CHMP3: variants seen among roughly 807,000 people sequenced by gnomAD.
CHMP3 encodes charged multivesicular body protein 3, also known as 25.1 protein.
CHMP3 carries 8 observed loss-of-function variants against 27.4 expected under a neutral mutation model. That is an observed-to-expected ratio of 0.29 (90% confidence interval 0.17 to 0.53). CHMP3 has a LOEUF of 0.53. CHMP3 is among the 20% of genes least tolerant of loss of function. The pLI is 0.96. For missense variants in CHMP3, 208 were observed against 271.5 expected (o/e 0.77, Z 1.64); for synonymous variants, 86 against 85.5 (o/e 1.01, Z -0.03).
chr2:86,542,140 C>A, intron 2 of CHMP3, 112 bp downstream of exon 2: 2 of 1,107,232 alleles, frequency 1.8e-6, no homozygotes, highest in East Asian at 2.6e-5. Flanking sequence ...CTATAAATAA[C>A]TGATATAGGA....
At position 86,510,479 on chromosome 2, in the gene CHMP3, GC is replaced by G. The variant is rs1558643707; in HGVS notation, c.287-1del. 1 of 1,611,778 alleles carries G rather than the reference GC, an allele frequency of 6.2e-7. No homozygotes were observed. Among genetic ancestry groups the G allele is most frequent in the East Asian group, 2.2e-5 (1 of 44,874 alleles). ...CAGGGAACCAGCCACTCGCAAGACCGCTGAAAGAGAATGTGTACAGTCAGGA... is the reference window on the plus strand; with the variant it reads ...CAGGGAACCAGCCACTCGCAAGACCGTGAAAGAGAATGTGTACAGTCAGGA... On this transcript the variant is annotated splice_acceptor_variant, in intron 3 of 5. Transcript: ENST00000263856. LOFTEE classifies it high-confidence loss of function.
chr2:86,559,780 C>G (rs1175598688), intron 1 of CHMP3, among the ~76,000 whole-genome samples: 2 of 152,162 alleles, frequency 1.3e-5, no homozygotes, highest in Admixed American at 6.5e-5. Flanking sequence ...AAAAATCCTA[C>G]TAAATAGTCA....
chr2:86,510,286 C>CAA, intron 4 of CHMP3, 72 bp downstream of exon 4: 5 of 782,922 alleles, frequency 6.4e-6, no homozygotes, highest in Non-Finnish European at 8.2e-6. Context: ...CCACCCTCAT[C>CAA]CCTAGCCCCC....
rs1305929078 is a variant in CHMP3, at chr2:86,507,541, T to C, written c.461A>G (p.Gln154Arg). The C allele has an allele frequency of 6.2e-7, 1 of 1,614,210 alleles. No individual in the cohort carries two copies. Among genetic ancestry groups the C allele is most frequent in the Admixed American group, 1.7e-5 (1 of 60,032 alleles). Residue 154 changes from glutamine to arginine, a missense_variant, in exon 5 of 6, where the codon CAG (glutamine) becomes CGG (arginine). By Grantham distance (43) the Gln-to-Arg change is conservative. Coordinates refer to ENST00000263856, the MANE Select transcript of CHMP3 (RefSeq NM_016079.4). ...TTCTGCTTCTTCCTCCATTTCTTCC[T>C]GATCGTCCATGCTTTCAAAAGTGTC... is the stretch of plus-strand genomic sequence containing the variant. ...LEDTFESMDD[Q>R]EEMEEEAEME... is the part of the protein sequence containing the mutation.
At chr2:86,550,752 G>T (rs1019390730) in intron 1 of CHMP3, among the ~76,000 whole-genome samples, 3 of 152,030 alleles carry the variant, frequency 2.0e-5, no homozygotes, top group Non-Finnish European at 4.4e-5. Flanking sequence ...AAAAACAAAT[G>T]GTTGGCTGCA....
At position 86,561,084 on chromosome 2, in the gene CHMP3, C is replaced by A. The variant is rs182020710; in HGVS notation, c.45+2220G>T. Among the ~76,000 whole-genome samples, 24 of 152,310 alleles carry A rather than the reference C, an allele frequency of 1.6e-4. 1 individual carries two copies. The Middle Eastern group carries it at 0.014, about 86-fold the overall frequency. ...AACCATATCAGGTGCCCTATCCAAA[C>A]CAGCTCTTAAAATGTTTATCTTACT... On this transcript the variant is annotated intron_variant, in intron 1 of 5. Transcript: ENST00000263856.
chr2:86,534,148 T>C (rs924361656), intron 2 of CHMP3, among the ~76,000 whole-genome samples: 1 of 152,008 alleles, frequency 6.6e-6, no homozygotes, highest in Non-Finnish European at 1.5e-5. Context: ...GTGTAGTTTG[T>C]TGTTGGGTAG....
Position 86,560,761 on chromosome 2 carries a change from G to A in CHMP3, c.45+2543C>T, listed in dbSNP as rs142970907. On this transcript the variant is annotated intron_variant, in intron 1 of 5. Transcript: ENST00000263856. The stretch of plus-strand genomic sequence containing the variant: ...TGGCTCACAGTTCTGCAGACTGTAC[G>A]GGAAGCACAGCAGCTTCTGCTTTTG... Among the ~76,000 whole-genome samples the A allele has an allele frequency of 2.0e-3, 310 of 152,016 alleles. 2 individuals carry two copies. The highest frequency in any genetic ancestry group is 0.01 in the Middle Eastern group (3 of 292).
chr2:86,505,453 A>G lies in CHMP3; in HGVS notation c.*351T>C, dbSNP rs3731812. The G allele has an allele frequency of 0.4, 67,231 of 168,730 alleles. 15,453 individuals carry two copies. The highest frequency in any genetic ancestry group is 0.74 in the East Asian group (4,526 of 6,120). 10.5% of individuals were successfully genotyped at this position (168,730 alleles called of 1,614,324 possible). A position where few individuals can be genotyped will look rare whatever the true frequency, so the allele number is the denominator to read the frequency against. On this transcript the variant is annotated 3_prime_UTR_variant, in exon 6 of 6. Transcript: ENST00000263856. ...GCAATCTACAATGGGGCCAAGTGCT[A>G]AAGCAAAAATTTATTAAAATTCATT...
At chr2:86,523,635 A>G (rs1675598581) in intron 3 of CHMP3, among the ~76,000 whole-genome samples, 1 of 152,124 alleles carries the variant, frequency 6.6e-6, no homozygotes, top group African/African-American at 2.4e-5. Context: ...GCAGGTACTC[A>G]GAAAGCGTAT....
At chr2:86,551,840 C>T (rs565581324) in intron 1 of CHMP3, among the ~76,000 whole-genome samples, 1 of 152,300 alleles carries the variant, frequency 6.6e-6, no homozygotes, top group South Asian at 2.1e-4. Flanking sequence ...AGTCTATAAA[C>T]ACCTTCATGA....
In CHMP3 at chr2:86,544,330, T is replaced by A. The variant is rs193041437; in HGVS notation, c.46-2018A>T. Among the ~76,000 whole-genome samples, 276 of 151,890 alleles carry A rather than the reference T, an allele frequency of 1.8e-3. 4 individuals carry two copies. The highest frequency in any genetic ancestry group is 9.1e-3 in the East Asian group (47 of 5,164). On this transcript the variant is annotated intron_variant, in intron 1 of 5. Transcript: ENST00000263856. Reference sequence around the variant, plus strand: ...GTGAAGTGGTATCTCACTGTTTTGATTTACATTTTCTTTTTTTTTTTTTTT... The same window carrying A: ...GTGAAGTGGTATCTCACTGTTTTGAATTACATTTTCTTTTTTTTTTTTTTT...
intron 3 of CHMP3, among the ~76,000 whole-genome samples, chr2:86,516,579 T>G (rs1675315618): frequency 6.6e-6 from 1 of 152,212 alleles, no homozygotes; most frequent in Admixed American, 6.5e-5. Context: ...CTGTACACTT[T>G]TATAGCAGCT....
intron 1 of CHMP3, among the ~76,000 whole-genome samples, chr2:86,558,867 A>G (rs533630791): frequency 2.1e-5 from 3 of 144,690 alleles, no homozygotes; most frequent in East Asian, 1.9e-4. Context: ...TTCTCCCTTA[A>G]AAGAAAAAAA....
At chr2:86,505,984 G>T in intron 5 of CHMP3, 35 bp from the exon 6 acceptor site, 1 of 1,490,118 alleles carries the variant, frequency 6.7e-7, no homozygotes, top group Non-Finnish European at 9.0e-7. Context: ...CACCACATTG[G>T]CTTAAGGAAG....
At chr2:86,517,746 G>C (rs1327467408) in intron 3 of CHMP3, among the ~76,000 whole-genome samples, 2 of 151,298 alleles carry the variant, frequency 1.3e-5, no homozygotes, top group African/African-American at 4.9e-5. Context: ...AATAAAAATA[G>C]GGCCAGGCAT....
intron 3 of CHMP3, among the ~76,000 whole-genome samples, chr2:86,519,599 A>C (rs148889205): frequency 6.6e-6 from 1 of 152,352 alleles, no homozygotes; most frequent in African/African-American, 2.4e-5. Flanking sequence ...GTATATGAGT[A>C]TAATGAAAAT....
At chr2:86,546,389 G>T (rs1676605372) in intron 1 of CHMP3, among the ~76,000 whole-genome samples, 1 of 151,730 alleles carries the variant, frequency 6.6e-6, no homozygotes, top group South Asian at 2.1e-4. Flanking sequence ...AGGGGGAGGG[G>T]GAGTAGGAGA....
chr2:86,523,261 C>CCA, intron 3 of CHMP3, among the ~76,000 whole-genome samples: 1 of 152,302 alleles, frequency 6.6e-6, no homozygotes, highest in Admixed American at 6.5e-5. Context: ...AGTTGGCACA[C>CCA]CACTTCCCAC....
Sources: gnomAD v4.1 joint callset for allele counts (sites outside exome capture counted in the v4.1 genomes callset) on GRCh38, gnomAD v4.1.1 for gene constraint, MANE v1.5 for transcripts, NCBI Gene and HGNC (gene_info 2026-07-23, HGNC 2026-07-21) for gene names.